Variants in AXIN1 observed in about 807,000 individuals in gnomAD.
AXIN1 encodes axin-1.
Under a neutral mutation model 76.4 loss-of-function variants are expected in AXIN1, and 30 were observed. The observed-to-expected ratio is 0.39, with a 90% confidence interval of 0.29 to 0.53. The LOEUF is 0.53. Ranked by LOEUF, AXIN1 falls within the 20% of genes least tolerant of loss-of-function variation. The pLI is 0.66. For missense variants in AXIN1, 1,140 were observed against 1,198.8 expected (o/e 0.95, Z 0.72); for synonymous variants, 545 against 501.4 (o/e 1.09, Z -1.16).
chr16:343,418 G>A (rs574279130), intron 2 of AXIN1, among the ~76,000 whole-genome samples: 3 of 152,144 alleles, frequency 2.0e-5, no homozygotes, highest in African/African-American at 4.8e-5. Flanking sequence ...ATAACCAGCC[G>A]GGGCCGGGCG....
At chr16:290,349 GCCAT>G (rs2052520833) in intron 9 of AXIN1, 1 of 156,146 alleles carries the variant, frequency 6.4e-6, no homozygotes, top group Non-Finnish European at 1.4e-5. Flanking sequence ...GGCCACCTGA[GCCAT>G]GTGACCATCC....
intron 2 of AXIN1, among the ~76,000 whole-genome samples, chr16:344,378 C>T (rs1045360379): frequency 8.4e-5 from 12 of 143,268 alleles, no homozygotes; most frequent in African/African-American, 1.3e-4. Flanking sequence ...TGCAGTGAGC[C>T]GAGATGGCGC....
intron 10 of AXIN1, 48 bp from the exon 11 acceptor site, chr16:288,296 G>C (rs930737235): frequency 6.2e-7 from 1 of 1,612,492 alleles, no homozygotes; most frequent in Non-Finnish European, 8.5e-7. Context: ...CACCGCAGAT[G>C]GGAAGGAGGC....
At chr16:289,715 T>A in intron 9 of AXIN1, 108 bp from the exon 10 acceptor site, 1 of 1,421,254 alleles carries the variant, frequency 7.0e-7, no homozygotes, top group Non-Finnish European at 9.6e-7. Context: ...CCTGCAGGGG[T>A]GAGCAGCACC....
intron 2 of AXIN1, among the ~76,000 whole-genome samples, chr16:319,085 C>T (rs1262612890): frequency 6.6e-6 from 1 of 152,176 alleles, no homozygotes; most frequent in African/African-American, 2.4e-5. Flanking sequence ...GGAACAGGTG[C>T]CAGGACTCAG....
rs1567254340 is a variant in AXIN1, at chr16:287,992, G to A, written c.*130C>T. 1.3e-6 allele frequency: 2 copies of A among 1,486,708 alleles called. No homozygotes were observed. The highest frequency in any genetic ancestry group is 1.9e-6 in the Non-Finnish European group (2 of 1,079,258). The allele number at this position is 1,486,708 out of a possible 1,614,324, so 92.1% of individuals were successfully genotyped here. A position where few individuals can be genotyped will look rare whatever the true frequency, so the allele number is the denominator to read the frequency against. ...CCCTACCTGCCTCTAGACACGGGTA[G>A]ACCACAGGGATGGGTGGTACACCCA... On this transcript the variant is annotated 3_prime_UTR_variant, in exon 11 of 11. Coordinates refer to ENST00000262320, the MANE Select transcript of AXIN1 (RefSeq NM_003502.4).
intron 4 of AXIN1, among the ~76,000 whole-genome samples, chr16:306,870 G>T (rs746896248): frequency 1.3e-5 from 2 of 152,236 alleles, no homozygotes; most frequent in Non-Finnish European, 2.9e-5. Flanking sequence ...GGAAGGCTGG[G>T]GCTGGCACCA....
chr16:295,932 A>T (rs1029841194), intron 7 of AXIN1, among the ~76,000 whole-genome samples: 1 of 151,932 alleles, frequency 6.6e-6, no homozygotes, highest in Admixed American at 6.6e-5. Context: ...GCACCACTGC[A>T]CTCCAGCCCG....
At chr16:331,608 T>C (rs2053691694) in intron 2 of AXIN1, among the ~76,000 whole-genome samples, 1 of 152,178 alleles carries the variant, frequency 6.6e-6, no homozygotes. Context: ...CCTATCAGCG[T>C]ATAGAATGCA....
intron 2 of AXIN1, among the ~76,000 whole-genome samples, chr16:323,921 G>C (rs1015790636): frequency 6.6e-6 from 1 of 152,180 alleles, no homozygotes; most frequent in African/African-American, 2.4e-5. Context: ...CTGCGACAGG[G>C]GATGGAATAC....
intron 4 of AXIN1, among the ~76,000 whole-genome samples, chr16:309,330 G>A (rs1360582814): frequency 4.6e-5 from 7 of 151,358 alleles, no homozygotes; most frequent in East Asian, 1.9e-4. Flanking sequence ...TCATCTTCCC[G>A]TAACATCTTT....
At position 336,563 on chromosome 16, in the gene AXIN1, T is replaced by A. The variant is rs1288880071; in HGVS notation, c.878+9585A>T. On this transcript the variant is annotated intron_variant, in intron 2 of 10. Transcript: ENST00000262320. Reference sequence around the variant, plus strand: ...CCAGCTGGGCGCGGTGCCTCACACCTGTAATCCCAGCACTTTGGGAGGCCA... The same window carrying A: ...CCAGCTGGGCGCGGTGCCTCACACCAGTAATCCCAGCACTTTGGGAGGCCA... 2.0e-5 allele frequency among the ~76,000 whole-genome samples: 3 copies of A among 152,174 alleles called. No homozygotes were observed. In the East Asian group the frequency reaches 5.8e-4, roughly 29 times the overall value.
intron 10 of AXIN1, 106 bp from the exon 11 acceptor site, chr16:288,354 G>A: frequency 5.2e-6 from 8 of 1,544,712 alleles, no homozygotes; most frequent in Admixed American, 1.7e-5. Context: ...GGAGCCTCCT[G>A]TCCATGCCCC....
At chr16:312,680 A>G (rs1451470056) in intron 3 of AXIN1, among the ~76,000 whole-genome samples, 1 of 150,842 alleles carries the variant, frequency 6.6e-6, no homozygotes, top group Non-Finnish European at 1.5e-5. Flanking sequence ...TTAAACGAGG[A>G]TGAAAGAAAC....
At chr16:291,382 G>A (rs940979714) in intron 8 of AXIN1, 85 bp from the exon 9 acceptor site, 26 of 1,195,978 alleles carry the variant, frequency 2.2e-5, no homozygotes, top group Non-Finnish European at 3.1e-5. Context: ...GCTGCGCAGG[G>A]ACGGACGGAG....
intron 2 of AXIN1, among the ~76,000 whole-genome samples, chr16:323,103 G>C (rs1004011923): frequency 2.0e-5 from 3 of 152,148 alleles, no homozygotes; most frequent in Non-Finnish European, 4.4e-5. Context: ...GCCTAGGCAA[G>C]AGGTCAAGAC....
In AXIN1 at chr16:346,224, G is replaced by A. The variant is rs769359749; in HGVS notation, c.802C>T (p.Pro268Ser). Residue 268 changes from proline (P) to serine (S), a missense_variant, in exon 2 of 11, where the codon CCT becomes TCT. Physicochemically the swap from Pro to Ser is moderately conservative, Grantham distance 74. Coordinates refer to ENST00000262320, the MANE Select transcript of AXIN1 (RefSeq NM_003502.4). ...GRDAAPPGRL[P>S]QKLLLETAAP... ...GCTGTCTCCAGGAGCAGCTTCTGAG[G>A]GAGTCTTCCGGGGGGAGCAGCGTCT... 12 of 1,614,094 alleles carry A rather than the reference G, an allele frequency of 7.4e-6. No homozygotes were observed. In the Admixed American group the frequency reaches 2.0e-4, roughly 27 times the overall value.
chr16:339,263 G>A (rs2053866665), intron 2 of AXIN1, among the ~76,000 whole-genome samples: 1 of 150,752 alleles, frequency 6.6e-6, no homozygotes, highest in African/African-American at 2.4e-5. Context: ...CAGCACTTTG[G>A]GAGGCTGAGG....
chr16:313,808 A>T (rs531046296), intron 3 of AXIN1, among the ~76,000 whole-genome samples: 1 of 152,372 alleles, frequency 6.6e-6, no homozygotes, highest in African/African-American at 2.4e-5. Flanking sequence ...GCACAGGGGA[A>T]GAGGTCATAA....
Sources: allele counts gnomAD v4.1 joint callset (sites outside exome capture counted in the v4.1 genomes callset), GRCh38; gene constraint gnomAD v4.1.1; transcripts MANE v1.5; gene names NCBI Gene and HGNC (gene_info 2026-07-23, HGNC 2026-07-21).